The following PEX10 variants were observed in gnomAD, a reference collection of about 807,000 sequenced individuals.
PEX10 encodes the protein peroxisome biogenesis factor 10.
PEX10 carries 32 observed loss-of-function variants against 38.0 expected under a neutral mutation model. The observed-to-expected ratio is 0.84, with a 90% CI of 0.63 to 1.13. The LOEUF (loss-of-function observed/expected upper bound fraction) is 1.13. Ranked by LOEUF, PEX10 falls within the 50% of genes most tolerant of loss-of-function variation. PEX10 has a pLI of 0.00. For missense variants in PEX10, 483 were observed against 457.7 expected (o/e 1.06, Z -0.51); for synonymous variants, 206 against 207.3 (o/e 0.99, Z 0.05).
In PEX10 at chr1:2,412,512, T is replaced by C; in HGVS notation, c.-10A>G. The C allele has an allele frequency of 7.4e-7, 1 of 1,349,794 alleles. No homozygotes were observed. The highest frequency in any genetic ancestry group is 9.5e-7 in the Non-Finnish European group (1 of 1,054,552). The allele number at this position is 1,349,794 out of a possible 1,614,324, so 83.6% of individuals were successfully genotyped here. On this transcript the variant is annotated 5_prime_UTR_variant, in exon 1 of 6. Transcript: ENST00000447513. ...CGGCGGCCGGGGCCATGGCCGCGGG[T>C]TCGGGTGGTCCCGAGCAGCCACGCC...
Position 2,412,478 on chromosome 1 carries a change from G to C in PEX10, c.25C>G (p.Pro9Ala). The C allele has an allele frequency of 1.4e-6, 2 of 1,389,180 alleles. No individual in the cohort carries two copies. Among genetic ancestry groups the C allele is most frequent in the Non-Finnish European group, 1.9e-6 (2 of 1,074,548 alleles). The allele number at this position is 1,389,180 out of a possible 1,614,324, so 86.1% of individuals were successfully genotyped here. MAPAAASP[P>A]EVIRAAQKDE... Reference sequence around the variant, plus strand: ...TTCTGCGCCGCGCGGATCACCTCCGGGGGGCTGGCGGCGGCCGGGGCCATG... The same window carrying C: ...TTCTGCGCCGCGCGGATCACCTCCGCGGGGCTGGCGGCGGCCGGGGCCATG... Residue 9 changes from proline to alanine, a missense_variant, in exon 1 of 6, where the codon CCG (proline) becomes GCG (alanine). By Grantham distance (27) the Pro-to-Ala change is conservative (BLOSUM62 -1). Transcript: ENST00000447513.
chr1:2,405,332 G>A lies in PEX10; in HGVS notation c.*434C>T, dbSNP rs886241541. On this transcript the variant is annotated 3_prime_UTR_variant, in exon 6 of 6. Transcript: ENST00000447513. Reference sequence around the variant, plus strand: ...TGGCTGAAGCAACCCGCCAGCCTCCGTGCCCCACCCCACCCAGCACGCACT... The same window carrying A: ...TGGCTGAAGCAACCCGCCAGCCTCCATGCCCCACCCCACCCAGCACGCACT... 19 of 331,156 alleles carry A rather than the reference G, an allele frequency of 5.7e-5. No individual in the cohort carries two copies. Among genetic ancestry groups the A allele is most frequent in the Non-Finnish European group, 1.1e-4 (18 of 170,364 alleles). The allele number at this position is 331,156 out of a possible 1,614,324, so 20.5% of individuals were successfully genotyped here.
Position 2,406,827 on chromosome 1 carries a change from G to A in PEX10, c.669C>T (p.Ile223=). The A allele has an allele frequency of 6.2e-7, 1 of 1,610,980 alleles. No individual in the cohort carries two copies. Among genetic ancestry groups the A allele is most frequent in the South Asian group, 1.1e-5 (1 of 90,570 alleles). ...TGGACAGCACCAGGTGCAGCAGTGAGATGACCCCCAGCAGCCTGTAGCTAA... is the reference window on the plus strand; with the variant it reads ...TGGACAGCACCAGGTGCAGCAGTGAAATGACCCCCAGCAGCCTGTAGCTAA... ...ARVSYRLLGV[I]SLLHLVLSMG... Residue 223 remains isoleucine, a synonymous_variant, in exon 4 of 6, where the codon ATC becomes ATT. Transcript: ENST00000447513.
chr1:2,406,385 G>A, intron 5 of PEX10, 99 bp downstream of exon 5: 1 of 1,502,592 alleles, frequency 6.7e-7, no homozygotes, highest in Non-Finnish European at 9.1e-7. Context: ...CAAAACTGGA[G>A]GGTGCTCAGA....
rs768005610 is a variant in PEX10, at chr1:2,412,524, C to A, written c.-22G>T. The A allele has an allele frequency of 1.1e-4, 150 of 1,325,778 alleles. 1 individual carries two copies. Among genetic ancestry groups the A allele is most frequent in the South Asian group, 4.1e-4 (21 of 51,354 alleles). 82.1% of individuals were successfully genotyped at this position (1,325,778 alleles called of 1,614,324 possible). A position where few individuals can be genotyped will look rare whatever the true frequency, so the allele number is the denominator to read the frequency against. ...CCATGGCCGCGGGTTCGGGTGGTCC[C>A]GAGCAGCCACGCCGGCCACGCCCAC... is the stretch of plus-strand genomic sequence containing the variant. On this transcript the variant is annotated 5_prime_UTR_variant, in exon 1 of 6. Transcript: ENST00000447513.
At position 2,410,503 on chromosome 1, in the gene PEX10, G is replaced by A. The variant is rs771134921; in HGVS notation, c.113-52C>T. 5.9e-6 allele frequency: 9 copies of A among 1,519,862 alleles called. No individual in the cohort carries two copies. The African/African-American group carries it at 9.6e-5, about 16-fold the overall frequency. 94.1% of individuals were successfully genotyped at this position (1,519,862 alleles called of 1,614,324 possible). A position where few individuals can be genotyped will look rare whatever the true frequency, so the allele number is the denominator to read the frequency against. On this transcript the variant is annotated intron_variant, in intron 1 of 5. Transcript: ENST00000447513. The surrounding 1 kb of genome is among the most constrained non-coding windows in gnomAD (Gnocchi z 5.1). Reference sequence around the variant, plus strand: ...GGGGAGCTGGTGGGCATCCTCTGAGGATGAGGGACCACAGTCCTCCCCCAG... The same window carrying A: ...GGGGAGCTGGTGGGCATCCTCTGAGAATGAGGGACCACAGTCCTCCCCCAG...
chr1:2,405,964 A>G lies in PEX10; in HGVS notation c.913-130T>C, dbSNP rs75437503. The stretch of plus-strand genomic sequence containing the variant: ...CATAAATGTTGTATTTCCTTCAACT[A>G]ATGACCAAGAAAGCCAGCCTTTTTT... On this transcript the variant is annotated intron_variant, in intron 5 of 5. Transcript: ENST00000447513. 3.7e-3 allele frequency: 2,944 copies of G among 790,612 alleles called. 98 individuals carry two copies. The East Asian group carries it at 0.066, about 18-fold the overall frequency. The allele number at this position is 790,612 out of a possible 1,614,324, so 49.0% of individuals were successfully genotyped here.
At chr1:2,407,450 C>T (rs188664283) in intron 3 of PEX10, among the ~76,000 whole-genome samples, 6 of 152,184 alleles carry the variant, frequency 3.9e-5, no homozygotes, top group East Asian at 1.9e-4. Flanking sequence ...GGCCCAGGGC[C>T]GGGAACCACA....
In PEX10 at chr1:2,406,488, C is replaced by T; in HGVS notation, c.908G>A (p.Ser303Asn). 6.2e-7 allele frequency: 1 copy of T among 1,611,886 alleles called. No individual in the cohort carries two copies. Among genetic ancestry groups the T allele is most frequent in the East Asian group, 2.2e-5 (1 of 44,874 alleles). The change falls in exon 5 of 6, where the codon AGC becomes AAC. Residue 303 changes from serine to asparagine, a missense_variant. Ser to Asn is a conservative substitution (Grantham distance 46). Transcript: ENST00000447513. ...GGCAGCAGGCTCCCACCTCACCTTG[C>T]TGCTGCACCACGCGGTGATGCACTC... ...CWECITAWCS[S>N]KAECPLCREK...
At chr1:2,411,508 C>T (rs965824470) in intron 1 of PEX10, among the ~76,000 whole-genome samples, 1 of 152,052 alleles carries the variant, frequency 6.6e-6, no homozygotes, top group Non-Finnish European at 1.5e-5. Flanking sequence ...GCTGGGATTA[C>T]AGGCGTGAGC....
At position 2,406,860 on chromosome 1, in the gene PEX10, C is replaced by A; in HGVS notation, c.636G>T (p.Arg212Ser). The A allele has an allele frequency of 6.2e-7, 1 of 1,609,620 alleles. No individual in the cohort carries two copies. Among genetic ancestry groups the A allele is most frequent in the South Asian group, 1.1e-5 (1 of 90,186 alleles). The change falls in exon 4 of 6, where the codon AGG (arginine) becomes AGT (serine). Residue 212 changes from arginine (R) to serine (S), a missense_variant. Transcript: ENST00000447513. Reference protein sequence around the residue: ...RVRSLPGEDLRARVSYRLLGV... With the variant: ...RVRSLPGEDLSARVSYRLLGV... ...CCAGCAGCCTGTAGCTAACACGGGC[C>A]CTCAGGTCCTCTCCGGGCAGGCTGC...
rs1240684454 is a variant in PEX10, at chr1:2,409,962, G to C, written c.193+409C>G. On this transcript the variant is annotated intron_variant, in intron 2 of 5. Coordinates refer to ENST00000447513, the MANE Select transcript of PEX10 (RefSeq NM_002617.4). The surrounding 1 kb of genome is among the most constrained non-coding windows in gnomAD (Gnocchi z 6.2). ...TGCTGAGCTGGGGTTGGGAGCCTGA[G>C]AGCTTCTGTCAACAACTCCCTCTAA... 7.6e-6 allele frequency: 2 copies of C among 262,056 alleles called. No homozygotes were observed. Among genetic ancestry groups the C allele is most frequent in the Non-Finnish European group, 1.5e-5 (2 of 130,800 alleles). The allele number at this position is 262,056 out of a possible 1,614,324, so 16.2% of individuals were successfully genotyped here. A position where few individuals can be genotyped will look rare whatever the true frequency, so the allele number is the denominator to read the frequency against.
At chr1:2,413,292 C>T (rs1643346935), upstream of PEX10, among the ~76,000 whole-genome samples, 3 of 152,220 alleles carry the variant, frequency 2.0e-5, no homozygotes, top group South Asian at 6.2e-4. Context: ...GGTGGCCTTC[C>T]ACCCTCCACC....
rs754059734 is a variant in PEX10 at position 2,410,635 on chromosome 1, C to T, written c.113-184G>A. On this transcript the variant is annotated intron_variant, in intron 1 of 5. Transcript: ENST00000447513. The surrounding 1 kb of genome is among the most constrained non-coding windows in gnomAD (Gnocchi z 5.1). ...GAGGCACCACCTTGACTTGCCTTAG[C>T]GTGAGCTGCAGACAGTCTGCGAAGA... The T allele has an allele frequency of 2.6e-5, 17 of 653,370 alleles. No individual in the cohort carries two copies. Among genetic ancestry groups the T allele is most frequent in the Non-Finnish European group, 3.9e-5 (14 of 355,862 alleles). The allele number at this position is 653,370 out of a possible 1,614,324, so 40.5% of individuals were successfully genotyped here. A position where few individuals can be genotyped will look rare whatever the true frequency, so the allele number is the denominator to read the frequency against.
chr1:2,407,978 T>G (rs1570103754), intron 3 of PEX10, among the ~76,000 whole-genome samples: 4 of 107,576 alleles, frequency 3.7e-5, no homozygotes, highest in South Asian at 3.4e-4. Flanking sequence ...GGGGAGAAGG[T>G]GGGAACGGCC....
rs1401581910 is a variant in PEX10, at chr1:2,404,324, C to T, written c.*1442G>A. Reference sequence around the variant, plus strand: ...CTGACCCAAGATAGCCAGTGCTGCTCCCAGGTGGTACTTCTGGTACCGTGT... The same window carrying T: ...CTGACCCAAGATAGCCAGTGCTGCTTCCAGGTGGTACTTCTGGTACCGTGT... On this transcript the variant is annotated 3_prime_UTR_variant, in exon 6 of 6. Coordinates refer to ENST00000447513, the MANE Select transcript of PEX10 (RefSeq NM_002617.4). The T allele has an allele frequency of 6.6e-6, 1 of 152,284 alleles. No individual in the cohort carries two copies. The highest frequency in any genetic ancestry group is 1.5e-5 in the Non-Finnish European group (1 of 68,064). 9.4% of individuals were successfully genotyped at this position (152,284 alleles called of 1,614,324 possible).
upstream of PEX10, chr1:2,412,617 G>C (rs886329025): frequency 2.3e-6 from 2 of 854,048 alleles, no homozygotes; most frequent in Non-Finnish European, 3.1e-6. Context: ...TCTGCGTCAA[G>C]GTGCTGGGGC....
In PEX10 at chr1:2,412,499, C is replaced by A. The variant is rs770336711; in HGVS notation, c.4G>T (p.Ala2Ser). Residue 2 changes from alanine to serine, a missense_variant, in exon 1 of 6, where the codon GCC becomes TCC. By Grantham distance (99) the Ala-to-Ser change is moderately conservative. Transcript: ENST00000447513. ...TCCGGGGGGCTGGCGGCGGCCGGGG[C>A]CATGGCCGCGGGTTCGGGTGGTCCC... M[A>S]PAAASPPEVI... 2.9e-5 allele frequency: 40 copies of A among 1,363,966 alleles called. 2 individuals are homozygous for A. The highest frequency in any genetic ancestry group is 2.6e-4 in the South Asian group (15 of 58,562). 84.5% of individuals were successfully genotyped at this position (1,363,966 alleles called of 1,614,324 possible). A position where few individuals can be genotyped will look rare whatever the true frequency, so the allele number is the denominator to read the frequency against.
At position 2,406,815 on chromosome 1, in the gene PEX10, G is replaced by A; in HGVS notation, c.681C>T (p.His227=). ...YRLLGVISLL[H]LVLSMGLQLY... is the part of the protein sequence containing the mutation. ...GCTGCAGCCCCATGGACAGCACCAG[G>A]TGCAGCAGTGAGATGACCCCCAGCA... Residue 227 remains histidine (H), a synonymous_variant, in exon 4 of 6, where the codon CAC becomes CAT. Coordinates refer to ENST00000447513, the MANE Select transcript of PEX10 (RefSeq NM_002617.4). 1 of 1,610,974 alleles carries A rather than the reference G, an allele frequency of 6.2e-7. No homozygotes were observed. The highest frequency in any genetic ancestry group is 2.2e-5 in the East Asian group (1 of 44,816).
Sources: gnomAD v4.1 joint callset for allele counts (sites outside exome capture counted in the v4.1 genomes callset) on GRCh38, gnomAD v4.1.1 for gene constraint, Gnocchi (gnomAD v3.1) non-coding constraint, MANE v1.5 for transcripts, NCBI Gene and HGNC (gene_info 2026-07-23, HGNC 2026-07-21) for gene names.